Variants in PTPN12 observed in about 807,000 individuals in gnomAD.
PTPN12 encodes the protein tyrosine-protein phosphatase non-receptor type 12.
A neutral mutation model predicts 97.6 loss-of-function variants in PTPN12; 29 were observed. That is an observed-to-expected ratio of 0.30 (90% confidence interval 0.22 to 0.41). The LOEUF is 0.41. Among genes scored for constraint, PTPN12 ranks in the 10% least tolerant of loss-of-function variants. The probability of loss-of-function intolerance (pLI) is 1.00; values close to 1 mark genes in which losing one functional copy is unlikely to be tolerated. For synonymous variants in PTPN12, 327 were observed against 300.4 expected, an observed-to-expected ratio of 1.09 and a Z score of -0.91; for missense variants, 819 against 926.0, an observed-to-expected ratio of 0.88 and a Z score of 1.50.
intron 1 of PTPN12, among the ~76,000 whole-genome samples, chr7:77,559,552 C>G (rs1352245832): frequency 6.6e-6 from 1 of 151,772 alleles, no homozygotes; most frequent in Admixed American, 6.6e-5. Flanking sequence ...CAAGGAGATA[C>G]TACTTTAGGT....
chr7:77,638,619 C>T lies in PTPN12; in HGVS notation c.2174-5C>T, dbSNP rs1789689948. Reference sequence around the variant, plus strand: ...GATTAACAAAGGCTTTGTGTTGCTACTTAGATCATCCAGCGGGAGGTATTC... The same window carrying T: ...GATTAACAAAGGCTTTGTGTTGCTATTTAGATCATCCAGCGGGAGGTATTC... On this transcript the variant is annotated splice_polypyrimidine_tract_variant and splice_region_variant and intron_variant, in intron 16 of 17. Transcript: ENST00000248594. 3.8e-6 allele frequency: 6 copies of T among 1,581,050 alleles called. No homozygotes were observed. Among genetic ancestry groups the T allele is most frequent in the Non-Finnish European group, 5.1e-6 (6 of 1,167,378 alleles).
Position 77,627,146 on chromosome 7 carries a change from T to A in PTPN12, c.1467T>A (p.Asp489Glu). Residue 489 changes from aspartate to glutamate, a missense_variant, in exon 13 of 18, where the codon GAT becomes GAA. Asp to Glu is a conservative substitution (Grantham distance 45). This residue lies in a region of PTPN12 where 607 missense variants were observed against 577.3 expected (regional missense o/e 1.05). Transcript: ENST00000248594. ...QELSSDLNVGDTSQNSCVDCS... is the reference protein window; with the variant it reads ...QELSSDLNVGETSQNSCVDCS... Reference sequence around the variant, plus strand: ...TAAGTTCAGATCTAAATGTCGGTGATACTTCCCAGAATTCTTGTGTGGACT... The same window carrying A: ...TAAGTTCAGATCTAAATGTCGGTGAAACTTCCCAGAATTCTTGTGTGGACT... 1 of 1,614,204 alleles carries A rather than the reference T, an allele frequency of 6.2e-7. No individual in the cohort carries two copies. The highest frequency in any genetic ancestry group is 8.5e-7 in the Non-Finnish European group (1 of 1,180,018).
At chr7:77,584,767 C>T (rs1465726535) in intron 4 of PTPN12, among the ~76,000 whole-genome samples, 2 of 152,072 alleles carry the variant, frequency 1.3e-5, no homozygotes, top group Admixed American at 6.5e-5. Context: ...GTCCCAGCTA[C>T]TCAGCAGGCT....
chr7:77,606,886 A>G (rs1788393635), intron 8 of PTPN12: 1 of 173,546 alleles, frequency 5.8e-6, no homozygotes, highest in African/African-American at 2.4e-5. Flanking sequence ...TTTACTTATA[A>G]TGGCCCAAAC....
Position 77,582,084 on chromosome 7 carries a change from CTTTTTTTT to C in PTPN12, c.285+602_285+609del, listed in dbSNP as rs11341609. ...CCCTTTGATGAAAAGCAGTCAAGTTCTTTTTTTTTTTTTTTTTTTTTTTTTTTTGAGAC... is the reference window on the plus strand; with the variant it reads ...CCCTTTGATGAAAAGCAGTCAAGTTCTTTTTTTTTTTTTTTTTTTTGAGAC... On this transcript the variant is annotated intron_variant, in intron 3 of 17. Coordinates refer to ENST00000248594, the MANE Select transcript of PTPN12 (RefSeq NM_002835.4). 1.1e-3 allele frequency among the ~76,000 whole-genome samples: 57 copies of C among 52,866 alleles called. No homozygotes were observed. In the South Asian group the frequency reaches 0.047, roughly 43 times the overall value. The allele number at this position is 52,866 out of a possible 152,430, so 34.7% of individuals were successfully genotyped here.
At position 77,583,674 on chromosome 7, in the gene PTPN12, A is replaced by C. The variant is rs750139002; in HGVS notation, c.381+24A>C. The stretch of plus-strand genomic sequence containing the variant: ...TGGTAAGTAATTTACTTTTCACAAT[A>C]AATTTTGAGAAATACTTATGTAATA... On this transcript the variant is annotated intron_variant, in intron 4 of 17. Transcript: ENST00000248594. 2.6e-5 allele frequency: 36 copies of C among 1,384,152 alleles called. 1 individual carries two copies. The South Asian group carries it at 2.7e-4, about 10-fold the overall frequency. The allele number at this position is 1,384,152 out of a possible 1,614,324, so 85.7% of individuals were successfully genotyped here.
In PTPN12 at chr7:77,625,500, T is replaced by G. The variant is rs1240267246; in HGVS notation, c.1026-1205T>G. ...CTCTCTCTCTCTCTCTCTCTCTCTC[T>G]CTCTCTCTCTCTCTCTCTCTCTCAC... On this transcript the variant is annotated intron_variant, in intron 12 of 17. Transcript: ENST00000248594. Among the ~76,000 whole-genome samples the G allele has an allele frequency of 8.5e-5, 9 of 106,022 alleles. 2 individuals are homozygous for G. Among genetic ancestry groups the G allele is most frequent in the African/African-American group, 3.4e-4 (9 of 26,708 alleles). 69.6% of individuals were successfully genotyped at this position (106,022 alleles called of 152,430 possible). A position where few individuals can be genotyped will look rare whatever the true frequency, so the allele number is the denominator to read the frequency against.
Position 77,627,317 on chromosome 7 carries a change from C to A in PTPN12, c.1638C>A (p.Pro546=), listed in dbSNP as rs368836652. Residue 546 remains proline, a synonymous_variant, in exon 13 of 18, where the codon CCC becomes CCA. Coordinates refer to ENST00000248594, the MANE Select transcript of PTPN12 (RefSeq NM_002835.4). ...TTCATGGACCTGAAAATGCCATACC[C>A]ATACCTGATTTATCTGAAGGCAATT... The part of the protein sequence containing the change: ...WSFHGPENAI[P]IPDLSEGNSS... 1.6e-5 allele frequency: 26 copies of A among 1,614,144 alleles called. No individual in the cohort carries two copies. In the South Asian group the frequency reaches 2.2e-4, roughly 14 times the overall value.
Position 77,607,285 on chromosome 7 carries a change from A to G in PTPN12, c.746A>G (p.Asn249Ser). 1.2e-6 allele frequency: 2 copies of G among 1,610,480 alleles called. No individual in the cohort carries two copies. The highest frequency in any genetic ancestry group is 1.7e-6 in the Non-Finnish European group (2 of 1,177,168). The change falls in exon 9 of 18, where the codon AAT becomes AGT. Residue 249 changes from asparagine to serine, a missense_variant. By Grantham distance (46) the Asn-to-Ser change is conservative. Coordinates refer to ENST00000248594, the MANE Select transcript of PTPN12 (RefSeq NM_002835.4). Reference protein sequence around the residue: ...GAICAIDYTWNLLKAGKIPEE... With the variant: ...GAICAIDYTWSLLKAGKIPEE... Reference sequence around the variant, plus strand: ...ATTTGTGCCATAGATTATACGTGGAATTTACTAAAAGCTGGGGTAAGAATA... The same window carrying G: ...ATTTGTGCCATAGATTATACGTGGAGTTTACTAAAAGCTGGGGTAAGAATA...
At chr7:77,597,984 TTGGGAGGCTGAAG>T (rs1388674289) in intron 7 of PTPN12, 83 bp downstream of exon 7, 1 of 1,532,394 alleles carries the variant, frequency 6.5e-7, no homozygotes, top group African/African-American at 1.4e-5. Context: ...TCCCAACACT[TTGGGAGGCTGAAG>T]TGGGAGGGTG....
chr7:77,605,343 C>T (rs1308984802), intron 8 of PTPN12, among the ~76,000 whole-genome samples: 3 of 143,990 alleles, frequency 2.1e-5, no homozygotes, highest in Non-Finnish European at 4.5e-5. Context: ...TAGTGATTTT[C>T]AATTCTAAGA....
chr7:77,585,633 T>TA (rs775170441), intron 5 of PTPN12, 52 bp downstream of exon 5: 1 of 1,461,874 alleles, frequency 6.8e-7, no homozygotes, highest in Non-Finnish European at 9.6e-7. Context: ...TAAATATTCT[T>TA]AGTCTTTTAT....
At chr7:77,541,431 A>G (rs1806970381) in intron 1 of PTPN12, among the ~76,000 whole-genome samples, 1 of 151,968 alleles carries the variant, frequency 6.6e-6, no homozygotes, top group Non-Finnish European at 1.5e-5. Flanking sequence ...TTGTTTCTTT[A>G]TGTTTGAGTA....
chr7:77,558,984 A>G (rs1807864086), intron 1 of PTPN12, among the ~76,000 whole-genome samples: 1 of 152,190 alleles, frequency 6.6e-6, no homozygotes, highest in African/African-American at 2.4e-5. Flanking sequence ...ACTGCACTCC[A>G]GCATGGGTAG....
intron 12 of PTPN12, among the ~76,000 whole-genome samples, chr7:77,625,191 A>C (rs563944121): frequency 6.6e-6 from 1 of 152,112 alleles, no homozygotes; most frequent in Non-Finnish European, 1.5e-5. Context: ...AGTTTGCTTC[A>C]TATAAAGTTC....
intron 12 of PTPN12, among the ~76,000 whole-genome samples, chr7:77,622,807 A>G (rs1420488723): frequency 6.6e-6 from 1 of 151,904 alleles, no homozygotes; most frequent in Non-Finnish European, 1.5e-5. Context: ...AATACTATAA[A>G]TTTAAAAATT....
Position 77,592,451 on chromosome 7 carries a change from AT to A in PTPN12, c.492+199del, listed in dbSNP as rs1787899140. 8.7e-6 allele frequency: 4 copies of A among 459,190 alleles called. No homozygotes were observed. The East Asian group carries it at 1.1e-4, about 12-fold the overall frequency. The allele number at this position is 459,190 out of a possible 1,614,324, so 28.4% of individuals were successfully genotyped here. On this transcript the variant is annotated intron_variant, in intron 6 of 17. Transcript: ENST00000248594. The stretch of plus-strand genomic sequence containing the variant: ...TTTTGGGTTGACTTCATAAATGCAT[AT>A]TTTCCTTGTATCTTACTATATTGAT...
At chr7:77,623,108 A>G (rs1789004732) in intron 12 of PTPN12, among the ~76,000 whole-genome samples, 1 of 152,140 alleles carries the variant, frequency 6.6e-6, no homozygotes, top group South Asian at 2.1e-4. Context: ...ACCAAATGTG[A>G]TGGATAAAAA....
At chr7:77,596,638 C>T (rs1426588074) in intron 6 of PTPN12, among the ~76,000 whole-genome samples, 2 of 152,180 alleles carry the variant, frequency 1.3e-5, no homozygotes, top group East Asian at 3.8e-4. Flanking sequence ...TCTTGAACCC[C>T]TAGGCTAAAG....
Sources: allele counts gnomAD v4.1 joint callset (sites outside exome capture counted in the v4.1 genomes callset), GRCh38; gene constraint gnomAD v4.1.1; regional missense constraint gnomAD v4.1.1; transcripts MANE v1.5; gene names NCBI Gene and HGNC (gene_info 2026-07-23, HGNC 2026-07-21).